The following COL25A1 variants were observed in gnomAD, a reference collection of about 807,000 sequenced individuals.
The protein encoded by COL25A1 is collagen type XXV alpha 1 chain.
COL25A1 carries 103 observed loss-of-function variants against 128.4 expected under a neutral mutation model. The ratio of observed to expected loss-of-function variants is 0.80; its 90% CI spans 0.68 to 0.94. COL25A1 has a LOEUF of 0.94. COL25A1 is among the 40% of genes least tolerant of loss of function. The probability of loss-of-function intolerance (pLI) is 0.00; values close to 1 mark genes in which losing one functional copy is unlikely to be tolerated. For missense variants in COL25A1, 745 were observed against 840.0 expected (o/e 0.89, Z 1.40); for synonymous variants, 279 against 277.2 (o/e 1.01, Z -0.06).
intron 3 of COL25A1, among the ~76,000 whole-genome samples, chr4:109,160,296 T>C (rs2704104): frequency 7.2e-5 from 11 of 152,126 alleles, no homozygotes; most frequent in African/African-American, 2.4e-4. Context: ...TGAACATACG[T>C]GTAAAGTTGA....
intron 6 of COL25A1, among the ~76,000 whole-genome samples, chr4:108,993,634 TG>T (rs1254820049): frequency 6.6e-6 from 1 of 151,642 alleles, no homozygotes; most frequent in Non-Finnish European, 1.5e-5. Context: ...CTGAGGAGGG[TG>T]GATCACCTGA....
At position 108,940,657 on chromosome 4, in the gene COL25A1, G is replaced by C; in HGVS notation, c.565-11C>G. The C allele has an allele frequency of 1.3e-6, 2 of 1,540,806 alleles. No individual in the cohort carries two copies. The highest frequency in any genetic ancestry group is 1.8e-6 in the Non-Finnish European group (2 of 1,133,938). On this transcript the variant is annotated splice_polypyrimidine_tract_variant and intron_variant, in intron 9 of 37. Coordinates refer to ENST00000399132, the MANE Select transcript of COL25A1 (RefSeq NM_198721.4). ...CTGTCCTTGGTCACCCTGTGATGGAGAAGGGAACAGACCAGCAATAACCAT... is the reference window on the plus strand; with the variant it reads ...CTGTCCTTGGTCACCCTGTGATGGACAAGGGAACAGACCAGCAATAACCAT...
intron 19 of COL25A1, 55 bp from the exon 20 acceptor site, chr4:108,869,205 TAAATAAATAAATAAATA>T (rs1279227542): frequency 1.3e-5 from 10 of 760,214 alleles, no homozygotes; most frequent in Middle Eastern, 2.8e-4. Flanking sequence ...AATAAATAAA[TAAATAAATAAATAAATA>T]AAAACTAAAC....
chr4:108,994,140 G>A (rs1446678021), intron 6 of COL25A1, among the ~76,000 whole-genome samples: 1 of 152,212 alleles, frequency 6.6e-6, no homozygotes, highest in Non-Finnish European at 1.5e-5. Context: ...GCTACCTGAA[G>A]CAGGGAGGGG....
chr4:109,124,919 CTG>C (rs1768448076), intron 3 of COL25A1, among the ~76,000 whole-genome samples: 1 of 151,958 alleles, frequency 6.6e-6, no homozygotes, highest in Non-Finnish European at 1.5e-5. Context: ...ATATATTTAA[CTG>C]TGTTTGATAC....
At chr4:109,032,728 A>T (rs1233006005) in intron 5 of COL25A1, among the ~76,000 whole-genome samples, 2 of 152,260 alleles carry the variant, frequency 1.3e-5, no homozygotes, top group African/African-American at 4.8e-5. Flanking sequence ...AATGTAGCTT[A>T]GCATTTTTAG....
chr4:109,230,271 A>C (rs1355368524), intron 3 of COL25A1, among the ~76,000 whole-genome samples: 1 of 152,204 alleles, frequency 6.6e-6, no homozygotes, highest in Non-Finnish European at 1.5e-5. Flanking sequence ...AGGATCAACT[A>C]TACTCTCACC....
At position 108,898,981 on chromosome 4, in the gene COL25A1, A is replaced by ATC. The variant is rs1359228740; in HGVS notation, c.861+171_861+172dup. 1.8e-4 allele frequency among the ~76,000 whole-genome samples: 19 copies of ATC among 103,570 alleles called. 1 individual carries two copies. In the East Asian group the frequency reaches 2.8e-3, roughly 15 times the overall value. The allele number at this position is 103,570 out of a possible 152,430, so 67.9% of individuals were successfully genotyped here. On this transcript the variant is annotated intron_variant, in intron 15 of 37. Coordinates refer to ENST00000399132, the MANE Select transcript of COL25A1 (RefSeq NM_198721.4). ...GAAAAAACACAGGAGTCATATCTAT[A>ATC]TCTATATATCTATATATCTATATAT...
intron 3 of COL25A1, among the ~76,000 whole-genome samples, chr4:109,280,325 A>G (rs1723253602): frequency 6.6e-6 from 1 of 152,230 alleles, no homozygotes; most frequent in Non-Finnish European, 1.5e-5. Flanking sequence ...AAAAGATGAG[A>G]CAGCGTCATC....
chr4:109,247,823 G>A (rs1337240011), intron 3 of COL25A1, among the ~76,000 whole-genome samples: 1 of 151,996 alleles, frequency 6.6e-6, no homozygotes, highest in African/African-American at 2.4e-5. Context: ...CCAAGAGGAA[G>A]AATACAGAAA....
chr4:108,857,842 T>G (rs1468605723), intron 24 of COL25A1, among the ~76,000 whole-genome samples: 1 of 152,126 alleles, frequency 6.6e-6, no homozygotes, highest in Non-Finnish European at 1.5e-5. Context: ...AAGCATAAAA[T>G]GTTTTTCTGT....
At chr4:109,156,235 C>G (rs1317342126) in intron 3 of COL25A1, among the ~76,000 whole-genome samples, 1 of 152,222 alleles carries the variant, frequency 6.6e-6, no homozygotes, top group African/African-American at 2.4e-5. Flanking sequence ...GGAACTTTCT[C>G]AAGCACGTTG....
At chr4:109,047,464 T>C (rs1760540497) in intron 5 of COL25A1, among the ~76,000 whole-genome samples, 1 of 151,896 alleles carries the variant, frequency 6.6e-6, no homozygotes, top group African/African-American at 2.4e-5. Context: ...CAATGGACTT[T>C]GGGGACTCGG....
chr4:109,088,107 T>C (rs902962214), intron 3 of COL25A1, among the ~76,000 whole-genome samples: 4 of 151,666 alleles, frequency 2.6e-5, no homozygotes, highest in African/African-American at 9.7e-5. Context: ...TCAACACACA[T>C]AGAAAGGCAT....
chr4:109,277,448 G>C (rs1450369901), intron 3 of COL25A1, among the ~76,000 whole-genome samples: 1 of 152,144 alleles, frequency 6.6e-6, no homozygotes, highest in Admixed American at 6.5e-5. Flanking sequence ...GCTGGAGAGT[G>C]GGGGAGGAAA....
intron 3 of COL25A1, among the ~76,000 whole-genome samples, chr4:109,125,604 G>T (rs1049958182): frequency 6.6e-6 from 1 of 152,118 alleles, no homozygotes; most frequent in Non-Finnish European, 1.5e-5. Context: ...TTCTGTGCCC[G>T]TGGTCACTGG....
At chr4:108,876,323 A>G (rs1739446783) in intron 19 of COL25A1, among the ~76,000 whole-genome samples, 1 of 151,950 alleles carries the variant, frequency 6.6e-6, no homozygotes, top group Non-Finnish European at 1.5e-5. Context: ...GGAGAGGGAG[A>G]GAGGAAGACA....
chr4:109,037,542 T>G (rs991262112), intron 5 of COL25A1, among the ~76,000 whole-genome samples: 2 of 152,226 alleles, frequency 1.3e-5, no homozygotes, highest in African/African-American at 4.8e-5. Context: ...TTCTTTTACA[T>G]AGGTTCCAAA....
At chr4:109,042,361 A>G (rs1330252078) in intron 5 of COL25A1, among the ~76,000 whole-genome samples, 1 of 152,118 alleles carries the variant, frequency 6.6e-6, no homozygotes, top group Admixed American at 6.6e-5. Flanking sequence ...AAGACAAATC[A>G]GCGTGCAGGG....
Sources: allele counts gnomAD v4.1 joint callset (sites outside exome capture counted in the v4.1 genomes callset), GRCh38; gene constraint gnomAD v4.1.1; transcripts MANE v1.5; gene names NCBI Gene and HGNC (gene_info 2026-07-23, HGNC 2026-07-21).